The following PGAP6 variants were observed in gnomAD, a reference collection of about 807,000 sequenced individuals.
PGAP6 encodes the protein post-GPI attachment to proteins 6, also known as post-GPI attachment to proteins factor 6.
In PGAP6, 62 loss-of-function variants were observed where a neutral mutation model predicts 68.4. The observed-to-expected ratio is 0.91, with a 90% CI of 0.74 to 1.12. The LOEUF is 1.12. Ranked by LOEUF, PGAP6 falls within the 50% of genes most tolerant of loss-of-function variation. The pLI is 0.00. For synonymous variants in PGAP6, 575 were observed against 474.0 expected (o/e 1.21, Z -2.77); for missense variants, 1,188 against 1,068.5 (o/e 1.11, Z -1.56).
chr16:383,828 C>CGCA (rs1264731874), upstream of PGAP6, among the ~76,000 whole-genome samples: 2 of 141,434 alleles, frequency 1.4e-5, no homozygotes, highest in Non-Finnish European at 3.2e-5. Context: ...TTTTGAACGC[C>CGCA]GCAGCGGGTG....
intron 1 of PGAP6, among the ~76,000 whole-genome samples, chr16:381,235 C>T (rs1165855410): frequency 1.3e-5 from 2 of 152,196 alleles, no homozygotes; most frequent in African/African-American, 4.8e-5. Context: ...GGGGTCACTG[C>T]GGAAGGGCTG....
At chr16:385,849 T>G (rs57910768), upstream of PGAP6, among the ~76,000 whole-genome samples, 210 of 148,480 alleles carry the variant, frequency 1.4e-3, no homozygotes, top group African/African-American at 5.0e-3. Context: ...TGGTCTCGAT[T>G]TCCTGACCTC....
In PGAP6 at chr16:374,267, A is replaced by G; in HGVS notation, c.1709T>C (p.Phe570Ser). The change falls in exon 10 of 13, where the codon TTC becomes TCC. Residue 570 changes from phenylalanine to serine, a missense_variant. Coordinates refer to ENST00000431232, the MANE Select transcript of PGAP6 (RefSeq NM_021259.3). ...APIAVSVRRF[F>S]LVEASVYAYT... The stretch of plus-strand genomic sequence containing the variant: ...GGCGTAGACGGAGGCCTCCACCAGG[A>G]AGAATCGCCGCACTGAGACGGCGAT... The G allele has an allele frequency of 6.2e-7, 1 of 1,607,850 alleles. No homozygotes were observed. Among genetic ancestry groups the G allele is most frequent in the Non-Finnish European group, 8.5e-7 (1 of 1,179,436 alleles).
rs567550157 is a variant in PGAP6 at position 372,667 on chromosome 16, T to G, written c.1963A>C (p.Met655Leu). ...AMSLQLDRRG[M>L]WNMLGPCLFA... ...AGGCAGGGCCCCAGCATGTTCCACA[T>G]GCCCCTGCGGTCCAGCTGCAAGGAC... Residue 655 changes from methionine to leucine, a missense_variant, in exon 12 of 13, where the codon ATG becomes CTG. Coordinates refer to ENST00000431232, the MANE Select transcript of PGAP6 (RefSeq NM_021259.3). 6 of 1,612,408 alleles carry G rather than the reference T, an allele frequency of 3.7e-6. No homozygotes were observed. Among genetic ancestry groups the G allele is most frequent in the Non-Finnish European group, 5.1e-6 (6 of 1,179,884 alleles).
chr16:373,966 C>T (rs1435059336), intron 11 of PGAP6, 39 bp downstream of exon 11: 2 of 1,561,058 alleles, frequency 1.3e-6, no homozygotes, highest in African/African-American at 2.7e-5. Context: ...GGGGGCCCTG[C>T]TCCCCCGGAG....
At chr16:379,562 C>T (rs990514306) in intron 1 of PGAP6, among the ~76,000 whole-genome samples, 1 of 152,230 alleles carries the variant, frequency 6.6e-6, no homozygotes, top group African/African-American at 2.4e-5. Context: ...CGGAGAAAGC[C>T]GGCCTCTGCG....
chr16:380,461 G>A (rs1054532483), intron 1 of PGAP6, among the ~76,000 whole-genome samples: 1 of 152,088 alleles, frequency 6.6e-6, no homozygotes, highest in African/African-American at 2.4e-5. Context: ...CTGCCTCCCG[G>A]GTTCAAGCGA....
At position 374,071 on chromosome 16, in the gene PGAP6, C is replaced by A. The variant is rs2054357540; in HGVS notation, c.1836G>T (p.Leu612Phe). Residue 612 changes from leucine (L) to phenylalanine (F), a missense_variant, in exon 11 of 13, where the codon TTG becomes TTT. By Grantham distance (22) the Leu-to-Phe change is conservative. Coordinates refer to ENST00000431232, the MANE Select transcript of PGAP6 (RefSeq NM_021259.3). ...SYDTLQYCDF[L>F]GSGAAIWVTI... The stretch of plus-strand genomic sequence containing the variant: ...TGACCCAGATGGCCGCCCCGGAGCC[C>A]AAGAAGTCGCAGTACTGCAGCGTGT... The A allele has an allele frequency of 6.2e-7, 1 of 1,611,946 alleles. No individual in the cohort carries two copies. Among genetic ancestry groups the A allele is most frequent in the African/African-American group, 1.3e-5 (1 of 74,924 alleles).
rs367988870 is a variant in PGAP6, at chr16:373,992, G to A, written c.1902+13C>T. 8.8e-6 allele frequency: 14 copies of A among 1,598,532 alleles called. No individual in the cohort carries two copies. The Admixed American group carries it at 1.2e-4, about 14-fold the overall frequency. On this transcript the variant is annotated intron_variant, in intron 11 of 12. Transcript: ENST00000431232. ...TCCCCCGGAGCCCACACCCCACGTCGAGGGCCACTCACGTATTTCAGGACT... is the reference window on the plus strand; with the variant it reads ...TCCCCCGGAGCCCACACCCCACGTCAAGGGCCACTCACGTATTTCAGGACT...
rs2054327877 is a variant in PGAP6, at chr16:371,131, T to A, written c.*856A>T. On this transcript the variant is annotated 3_prime_UTR_variant, in exon 13 of 13. Coordinates refer to ENST00000431232, the MANE Select transcript of PGAP6 (RefSeq NM_021259.3). Reference sequence around the variant, plus strand: ...AGGGGCCAGGTGCTGCTCCTGGTCATTGCTTCCCCCACAAGGTTTGCATGA... The same window carrying A: ...AGGGGCCAGGTGCTGCTCCTGGTCAATGCTTCCCCCACAAGGTTTGCATGA... 6.6e-6 allele frequency: 1 copy of A among 152,088 alleles called. No homozygotes were observed. The highest frequency in any genetic ancestry group is 1.5e-5 in the Non-Finnish European group (1 of 68,104). The allele number at this position is 152,088 out of a possible 1,614,324, so 9.4% of individuals were successfully genotyped here.
chr16:383,878 C>A (rs542060741), upstream of PGAP6, among the ~76,000 whole-genome samples: 1 of 152,086 alleles, frequency 6.6e-6, no homozygotes, highest in Non-Finnish European at 1.5e-5. Context: ...GCTGACTCCA[C>A]GAGCCCAGAC....
In PGAP6 at chr16:377,831, C is replaced by T. The variant is rs559595751; in HGVS notation, c.139G>A (p.Glu47Lys). 1.3e-6 allele frequency: 2 copies of T among 1,560,040 alleles called. No homozygotes were observed. The highest frequency in any genetic ancestry group is 1.7e-6 in the Non-Finnish European group (2 of 1,152,672). Residue 47 changes from glutamate to lysine, a missense_variant, in exon 2 of 13, where the codon GAG (glutamate) becomes AAG (lysine). Physicochemically the swap from Glu to Lys is moderately conservative, Grantham distance 56. Transcript: ENST00000431232. The stretch of plus-strand genomic sequence containing the variant: ...CTCTGCGGGGCCTGCGAGAAGTGCT[C>T]GGACACCAGCCCCACCTCTGTGAGG... The part of the protein sequence containing the change: ...SGKSEVGLVS[E>K]HFSQAPQRLS...
Position 374,335 on chromosome 16 carries a change from G to A in PGAP6, c.1641C>T (p.Ala547=), listed in dbSNP as rs2054361543. 6.2e-7 allele frequency: 1 copy of A among 1,603,816 alleles called. No individual in the cohort carries two copies. Among genetic ancestry groups the A allele is most frequent in the African/African-American group, 1.3e-5 (1 of 75,004 alleles). ...GGTTGCTGAGCGTGAGCAGCAGTGT[G>A]GCCGCCCTCTGCTGGGCCACCGTCT... is the stretch of plus-strand genomic sequence containing the variant. ...TAQTVAQQRA[A]TLLLTLSNLM... is the part of the protein sequence containing the mutation. The change falls in exon 10 of 13, where the codon GCC becomes GCT. Residue 547 remains alanine (A), a synonymous_variant. Transcript: ENST00000431232.
intron 3 of PGAP6, 52 bp downstream of exon 3, chr16:377,326 G>A (rs1347194320): frequency 3.2e-6 from 5 of 1,548,036 alleles, no homozygotes; most frequent in Admixed American, 1.9e-5. Flanking sequence ...GGCAGGGACA[G>A]GCCATCGCCG....
intron 3 of PGAP6, 97 bp from the exon 4 acceptor site, chr16:377,261 T>G (rs2054393316): frequency 2.5e-6 from 4 of 1,593,572 alleles, no homozygotes. Context: ...GGAGCAGGGC[T>G]GGCCCCAGAG....
At position 377,434 on chromosome 16, in the gene PGAP6, C is replaced by T. The variant is rs778495037; in HGVS notation, c.451G>A (p.Gly151Arg). Residue 151 changes from glycine to arginine, a missense_variant, in exon 3 of 13, where the codon GGG becomes AGG. By Grantham distance (125) the Gly-to-Arg change is moderately radical (BLOSUM62 -2). Transcript: ENST00000431232. Reference sequence around the variant, plus strand: ...AGGTGGGCGGCCACGAACCAGTCCCCGGGGGCCGGGTGGGAAACGTTGACG... The same window carrying T: ...AGGTGGGCGGCCACGAACCAGTCCCTGGGGGCCGGGTGGGAAACGTTGACG... ...ASVNVSHPAP[G>R]DWFVAAHLPP... 32 of 1,609,818 alleles carry T rather than the reference C, an allele frequency of 2.0e-5. No homozygotes were observed. Among genetic ancestry groups the T allele is most frequent in the African/African-American group, 5.4e-5 (4 of 74,756 alleles).
At chr16:382,939 A>C (rs1470858945), upstream of PGAP6, among the ~76,000 whole-genome samples, 2 of 152,024 alleles carry the variant, frequency 1.3e-5, no homozygotes, top group Non-Finnish European at 2.9e-5. Context: ...ACTGAAGGAC[A>C]GCTGCCAGGG....
rs954955611 is a variant in PGAP6, at chr16:371,852, G to A, written c.*135C>T. ...GGAGGGGTGGCCCTCTCCTCAGTAG[G>A]AGGAAGTAAGAGGGTATCTAGGCCA... On this transcript the variant is annotated 3_prime_UTR_variant, in exon 13 of 13. Coordinates refer to ENST00000431232, the MANE Select transcript of PGAP6 (RefSeq NM_021259.3). 10 of 924,238 alleles carry A rather than the reference G, an allele frequency of 1.1e-5. No individual in the cohort carries two copies. Among genetic ancestry groups the A allele is most frequent in the South Asian group, 8.4e-5 (5 of 59,726 alleles). The allele number at this position is 924,238 out of a possible 1,614,324, so 57.3% of individuals were successfully genotyped here. A position where few individuals can be genotyped will look rare whatever the true frequency, so the allele number is the denominator to read the frequency against.
In PGAP6 at chr16:376,770, C is replaced by CAGCTCCAGCAGA; in HGVS notation, c.666_677dup (p.Leu223_Leu226dup). On this transcript the variant is annotated inframe_insertion, in exon 5 of 13. Transcript: ENST00000431232. Reference sequence around the variant, plus strand: ...GGCTCCCATTGGACACGCAGTCCCGCAGCTCCAGCAGAAGCTCCCGCGTGT... The same window carrying CAGCTCCAGCAGA: ...GGCTCCCATTGGACACGCAGTCCCGCAGCTCCAGCAGAAGCTCCAGCAGAAGCTCCCGCGTGT... 6.2e-7 allele frequency: 1 copy of CAGCTCCAGCAGA among 1,610,590 alleles called. No homozygotes were observed. Among genetic ancestry groups the CAGCTCCAGCAGA allele is most frequent in the Non-Finnish European group, 8.5e-7 (1 of 1,179,918 alleles).
Sources: gnomAD v4.1 joint callset for allele counts (sites outside exome capture counted in the v4.1 genomes callset) on GRCh38, gnomAD v4.1.1 for gene constraint, MANE v1.5 for transcripts, NCBI Gene and HGNC (gene_info 2026-07-23, HGNC 2026-07-21) for gene names.